IQANK1: variants seen among roughly 807,000 people sequenced by gnomAD.
The protein encoded by IQANK1 is IQ motif and ankyrin repeat domain-containing protein 1.
A neutral mutation model predicts 22.6 loss-of-function variants in IQANK1; 30 were observed. That is an observed-to-expected ratio of 1.33 (90% CI 0.99 to 1.80). The LOEUF (loss-of-function observed/expected upper bound fraction) is 1.80, where lower values mean the gene tolerates loss of function less well. Among genes scored for constraint, IQANK1 ranks in the 40% most tolerant of loss-of-function variants. The probability of loss-of-function intolerance (pLI) is 0.00; values close to 1 mark genes in which losing one functional copy is unlikely to be tolerated. For missense variants in IQANK1, 275 were observed against 235.2 expected (o/e 1.17, Z -1.11); for synonymous variants, 122 against 99.6 (o/e 1.23, Z -1.34).
chr8:143,756,119 C>T (rs1231552633), intron 3 of IQANK1, among the ~76,000 whole-genome samples: 2 of 152,216 alleles, frequency 1.3e-5, no homozygotes, highest in Non-Finnish European at 2.9e-5. Flanking sequence ...GTGCTGTCCA[C>T]CCACATCCTC....
chr8:143,789,961 AC>A lies in IQANK1; in HGVS notation c.1196-6del. Reference sequence around the variant, plus strand: ...GCTTGCCTGTCAGCTGCACTCTGCTACCCCGACAGGGGAGGAAGAGGCGCCT... The same window carrying A: ...GCTTGCCTGTCAGCTGCACTCTGCTACCCGACAGGGGAGGAAGAGGCGCCT... On this transcript the variant is annotated splice_polypyrimidine_tract_variant and intron_variant, in intron 11 of 13. Coordinates refer to ENST00000527139, the MANE Select transcript of IQANK1 (RefSeq NM_001381874.1). 8.1e-7 allele frequency: 1 copy of A among 1,231,956 alleles called. No homozygotes were observed. The highest frequency in any genetic ancestry group is 1.0e-6 in the Non-Finnish European group (1 of 988,000). The allele number at this position is 1,231,956 out of a possible 1,614,324, so 76.3% of individuals were successfully genotyped here. A position where few individuals can be genotyped will look rare whatever the true frequency, so the allele number is the denominator to read the frequency against.
At chr8:143,756,954 G>A (rs1554628534) in intron 3 of IQANK1, among the ~76,000 whole-genome samples, 1 of 151,364 alleles carries the variant, frequency 6.6e-6, no homozygotes, top group Non-Finnish European at 1.5e-5. Context: ...CTCCAGCCTG[G>A]GTGACAGAAT....
chr8:143,789,941 C>T (rs1232280627), intron 11 of IQANK1, 30 bp from the exon 12 acceptor site: 5 of 1,231,886 alleles, frequency 4.1e-6, no homozygotes, highest in Non-Finnish European at 5.1e-6. Context: ...GTCGGGCTTG[C>T]CTGTCAGCTG....
chr8:143,782,641 C>G lies in IQANK1; in HGVS notation c.790-6274C>G, dbSNP rs1349272107. Among the ~76,000 whole-genome samples, 7 of 152,108 alleles carry G rather than the reference C, an allele frequency of 4.6e-5. No homozygotes were observed. In the South Asian group the frequency reaches 8.3e-4, roughly 18 times the overall value. On this transcript the variant is annotated intron_variant, in intron 7 of 13. Coordinates refer to ENST00000527139, the MANE Select transcript of IQANK1 (RefSeq NM_001381874.1). ...GATTACAGGCACGTGCCACCATGCC[C>G]AGCTAATTTTGTATTAGTAGAGACA...
chr8:143,786,202 G>A (rs1412121400), intron 7 of IQANK1, among the ~76,000 whole-genome samples: 7 of 152,318 alleles, frequency 4.6e-5, no homozygotes, highest in African/African-American at 1.7e-4. Context: ...TTGAAGCCTA[G>A]AAAGGTATTT....
At chr8:143,737,964 G>T (rs1818787675) in intron 2 of IQANK1, among the ~76,000 whole-genome samples, 1 of 152,198 alleles carries the variant, frequency 6.6e-6, no homozygotes, top group African/African-American at 2.4e-5. Flanking sequence ...TGCCCAGCAA[G>T]GACCAGCACC....
chr8:143,737,703 C>T (rs1330558585), intron 2 of IQANK1, among the ~76,000 whole-genome samples: 1 of 152,186 alleles, frequency 6.6e-6, no homozygotes, highest in Non-Finnish European at 1.5e-5. Context: ...TCCAGGGCCA[C>T]GGCCAGCTGC....
At chr8:143,740,110 G>A (rs1818863606) in intron 3 of IQANK1, among the ~76,000 whole-genome samples, 162 bp downstream of exon 3, 1 of 152,028 alleles carries the variant, frequency 6.6e-6, no homozygotes, top group Non-Finnish European at 1.5e-5. Flanking sequence ...GCGCACCTGT[G>A]AGCGCTCGGC....
intron 3 of IQANK1, among the ~76,000 whole-genome samples, chr8:143,762,714 A>G (rs1369014653): frequency 6.6e-6 from 1 of 152,174 alleles, no homozygotes; most frequent in Non-Finnish European, 1.5e-5. Context: ...AATTGTATTG[A>G]TTTGTTTCAT....
In IQANK1 at chr8:143,763,899, A is replaced by G. The variant is rs115799465; in HGVS notation, c.176-7589A>G. Reference sequence around the variant, plus strand: ...CAGGCAGAGTGGTTAACCCTCTTTTAACATATGAATACACTGGGGACTTAA... The same window carrying G: ...CAGGCAGAGTGGTTAACCCTCTTTTGACATATGAATACACTGGGGACTTAA... On this transcript the variant is annotated intron_variant, in intron 3 of 13. Transcript: ENST00000527139. Among the ~76,000 whole-genome samples, 906 of 152,320 alleles carry G rather than the reference A, an allele frequency of 5.9e-3. 13 individuals are homozygous for G. The highest frequency in any genetic ancestry group is 0.02 in the African/African-American group (850 of 41,564).
chr8:143,788,541 T>C (rs1447201949), intron 7 of IQANK1, among the ~76,000 whole-genome samples: 1 of 152,208 alleles, frequency 6.6e-6, no homozygotes, highest in Non-Finnish European at 1.5e-5. Flanking sequence ...GCCAGCCTCC[T>C]ACTCAGGAAG....
chr8:143,740,248 G>A (rs1022361287), intron 3 of IQANK1, among the ~76,000 whole-genome samples: 3 of 151,948 alleles, frequency 2.0e-5, no homozygotes, highest in African/African-American at 7.3e-5. Flanking sequence ...ACTCGCCCTC[G>A]CGGGGGTCGG....
intron 7 of IQANK1, among the ~76,000 whole-genome samples, chr8:143,784,802 C>T (rs1229693803): frequency 6.6e-6 from 1 of 152,126 alleles, no homozygotes; most frequent in African/African-American, 2.4e-5. Context: ...TCCACCAAAA[C>T]CACAAATTGG....
At chr8:143,763,134 GC>G (rs1218177643) in intron 3 of IQANK1, among the ~76,000 whole-genome samples, 10 of 152,002 alleles carry the variant, frequency 6.6e-5, no homozygotes, top group Admixed American at 6.6e-4. Context: ...TCCTGCCTCA[GC>G]CCCCTGAGTA....
rs1326475790 is a variant in IQANK1 at position 143,739,912 on chromosome 8, G to A, written c.139G>A (p.Glu47Lys). 1.4e-6 allele frequency: 1 copy of A among 699,030 alleles called. No individual in the cohort carries two copies. The highest frequency in any genetic ancestry group is 1.8e-5 in the African/African-American group (1 of 57,130). 43.3% of individuals were successfully genotyped at this position (699,030 alleles called of 1,614,324 possible). A position where few individuals can be genotyped will look rare whatever the true frequency, so the allele number is the denominator to read the frequency against. Residue 47 changes from glutamate (E) to lysine (K), a missense_variant, in exon 3 of 14, where the codon GAG (glutamate) becomes AAG (lysine). Glu to Lys is a moderately conservative substitution (Grantham distance 56). Coordinates refer to ENST00000527139, the MANE Select transcript of IQANK1 (RefSeq NM_001381874.1). ...PQRKAGWQAR[E>K]PASAESPQAP... ...GAGGAAAGCGGGCTGGCAGGCGAGGGAGCCCGCGTCGGCTGAGAGCCCACA... is the reference window on the plus strand; with the variant it reads ...GAGGAAAGCGGGCTGGCAGGCGAGGAAGCCCGCGTCGGCTGAGAGCCCACA...
intron 3 of IQANK1, among the ~76,000 whole-genome samples, chr8:143,748,591 T>A (rs1819083986): frequency 8.1e-6 from 1 of 123,476 alleles, no homozygotes; most frequent in Non-Finnish European, 1.7e-5. Context: ...AATATAGATA[T>A]GATATATATC....
At chr8:143,766,158 C>A (rs972772562) in intron 3 of IQANK1, among the ~76,000 whole-genome samples, 3 of 152,186 alleles carry the variant, frequency 2.0e-5, no homozygotes, top group African/African-American at 7.2e-5. Context: ...TAATGAGATT[C>A]ATCACATTTC....
chr8:143,759,980 G>A (rs1819366005), intron 3 of IQANK1, among the ~76,000 whole-genome samples: 1 of 152,146 alleles, frequency 6.6e-6, no homozygotes, highest in African/African-American at 2.4e-5. Context: ...GAACTCCCAG[G>A]CCCAGCTCGA....
intron 7 of IQANK1, among the ~76,000 whole-genome samples, chr8:143,778,871 C>A (rs78703193): frequency 0.053 from 8,115 of 152,324 alleles, 408 homozygotes; most frequent in African/African-American, 0.14. Flanking sequence ...ATGCGGTTCT[C>A]CTGCCTCAGC....
Sources: allele counts gnomAD v4.1 joint callset (sites outside exome capture counted in the v4.1 genomes callset), GRCh38; gene constraint gnomAD v4.1.1; transcripts MANE v1.5; gene names NCBI Gene and HGNC (gene_info 2026-07-23, HGNC 2026-07-21).